The following CSMD1 variants were observed in gnomAD, a reference collection of about 807,000 sequenced individuals.
CSMD1 encodes CUB and Sushi multiple domains 1.
A neutral mutation model predicts 417.5 loss-of-function variants in CSMD1; 213 were observed. The observed-to-expected ratio is 0.51, with a 90% CI of 0.46 to 0.57. CSMD1 has a LOEUF of 0.57. Among genes scored for constraint, CSMD1 ranks in the 20% least tolerant of loss-of-function variants. The probability of loss-of-function intolerance (pLI) is 0.00; values close to 1 mark genes in which losing one functional copy is unlikely to be tolerated. For synonymous variants in CSMD1, 2,862 were observed against 1,736.8 expected (o/e 1.65, Z -16.11); for missense variants, 6,923 against 4,529.7 (o/e 1.53, Z -15.17).
chr8:3,995,017 C>A (rs1026742695), intron 5 of CSMD1, among the ~76,000 whole-genome samples: 2 of 152,152 alleles, frequency 1.3e-5, no homozygotes, highest in African/African-American at 2.4e-5. Flanking sequence ...GCAGCACCCA[C>A]AATGCTCCCC....
chr8:4,735,068 G>A (rs1331239321), intron 1 of CSMD1, among the ~76,000 whole-genome samples: 3 of 152,224 alleles, frequency 2.0e-5, no homozygotes, highest in Non-Finnish European at 2.9e-5. Flanking sequence ...GAAGCAAATT[G>A]CTGCTCGTTA....
At chr8:4,835,425 C>T (rs1163194275) in intron 1 of CSMD1, among the ~76,000 whole-genome samples, 1 of 152,036 alleles carries the variant, frequency 6.6e-6, no homozygotes, top group Non-Finnish European at 1.5e-5. Flanking sequence ...CATTAAGAGA[C>T]AAGAGGTAGA....
chr8:3,205,160 T>C (rs1442086961), intron 31 of CSMD1, among the ~76,000 whole-genome samples: 1 of 152,094 alleles, frequency 6.6e-6, no homozygotes, highest in East Asian at 1.9e-4. Context: ...ATACACAGAG[T>C]TCTGACCCAC....
intron 4 of CSMD1, among the ~76,000 whole-genome samples, chr8:4,004,342 A>T (rs1057162114): frequency 6.6e-6 from 1 of 151,880 alleles, no homozygotes; most frequent in Admixed American, 6.6e-5. Context: ...TTTCTGAGAG[A>T]GTATATCCAC....
chr8:3,953,563 G>C (rs915291371), intron 5 of CSMD1, among the ~76,000 whole-genome samples: 62 of 152,054 alleles, frequency 4.1e-4, no homozygotes, highest in African/African-American at 1.4e-3. Flanking sequence ...GGACTTCCCT[G>C]GGATAGATAA....
chr8:4,580,728 T>A (rs533071966), intron 2 of CSMD1, among the ~76,000 whole-genome samples: 1 of 152,310 alleles, frequency 6.6e-6, no homozygotes, highest in South Asian at 2.1e-4. Context: ...CCTGATTAAA[T>A]CACCCCAAAT....
intron 3 of CSMD1, among the ~76,000 whole-genome samples, chr8:4,362,451 G>C (rs982909906): frequency 1.3e-5 from 2 of 152,184 alleles, no homozygotes; most frequent in African/African-American, 4.8e-5. Context: ...TTTTGTTAAA[G>C]GTCCCTTGCT....
At chr8:2,950,995 T>C (rs542382448) in intron 66 of CSMD1, 119 bp downstream of exon 66, 2 of 968,120 alleles carry the variant, frequency 2.1e-6, no homozygotes, top group East Asian at 2.6e-5. Flanking sequence ...AGTTACAGTA[T>C]ATACAAAGCC....
intron 10 of CSMD1, among the ~76,000 whole-genome samples, chr8:3,537,608 G>A (rs1319609246): frequency 6.6e-6 from 1 of 152,108 alleles, no homozygotes; most frequent in African/African-American, 2.4e-5. Context: ...TGTAATGATG[G>A]AAATTGTGTT....
At chr8:3,503,278 T>A (rs975175686) in intron 10 of CSMD1, among the ~76,000 whole-genome samples, 1 of 152,216 alleles carries the variant, frequency 6.6e-6, no homozygotes, top group African/African-American at 2.4e-5. Context: ...GCCCCACATA[T>A]AAACACTAGG....
chr8:4,114,671 A>C (rs977175873), intron 3 of CSMD1, among the ~76,000 whole-genome samples: 1 of 152,196 alleles, frequency 6.6e-6, no homozygotes, highest in Non-Finnish European at 1.5e-5. Flanking sequence ...CATTAAGAAA[A>C]ATTGTGCTTC....
At chr8:4,624,465 T>G (rs1801980650) in intron 2 of CSMD1, among the ~76,000 whole-genome samples, 1 of 152,156 alleles carries the variant, frequency 6.6e-6, no homozygotes, top group Non-Finnish European at 1.5e-5. Context: ...AGGCTGCAGT[T>G]GTCAATCACC....
At chr8:4,302,737 C>G (rs957955407) in intron 3 of CSMD1, among the ~76,000 whole-genome samples, 1 of 152,092 alleles carries the variant, frequency 6.6e-6, no homozygotes, top group African/African-American at 2.4e-5. Flanking sequence ...CTCATTAAGT[C>G]ATTTAGTTTT....
chr8:3,917,667 T>G (rs1584961232), intron 5 of CSMD1, among the ~76,000 whole-genome samples: 1 of 152,238 alleles, frequency 6.6e-6, no homozygotes, highest in Admixed American at 6.5e-5. Context: ...ATGCAAAAAG[T>G]TGTACACATG....
chr8:3,254,202 C>A (rs999327931), intron 26 of CSMD1, among the ~76,000 whole-genome samples: 3 of 152,102 alleles, frequency 2.0e-5, no homozygotes, highest in Admixed American at 6.6e-5. Context: ...GAATATTGGC[C>A]CCCACTCTCT....
At chr8:4,095,088 T>G (rs1800933718) in intron 3 of CSMD1, among the ~76,000 whole-genome samples, 1 of 152,164 alleles carries the variant, frequency 6.6e-6, no homozygotes, top group Non-Finnish European at 1.5e-5. Flanking sequence ...TTAATGTAAC[T>G]GCAGAGGAAA....
chr8:4,110,507 C>G (rs1206560354), intron 3 of CSMD1, among the ~76,000 whole-genome samples: 1 of 152,020 alleles, frequency 6.6e-6, no homozygotes, highest in Non-Finnish European at 1.5e-5. Flanking sequence ...ATTATTTTCC[C>G]CTAGCGTGTG....
chr8:3,296,752 G>T (rs769709255), intron 25 of CSMD1, among the ~76,000 whole-genome samples: 1 of 152,138 alleles, frequency 6.6e-6, no homozygotes, highest in African/African-American at 2.4e-5. Context: ...CTGTAGGTTT[G>T]TCCCTCAGAA....
intron 10 of CSMD1, among the ~76,000 whole-genome samples, chr8:3,517,251 T>C (rs1412816270): frequency 6.6e-6 from 1 of 152,086 alleles, no homozygotes; most frequent in Non-Finnish European, 1.5e-5. Flanking sequence ...GAGGGAAAAC[T>C]TGAAAAGACA....
Sources: gnomAD v4.1 joint callset for allele counts (sites outside exome capture counted in the v4.1 genomes callset) on GRCh38, gnomAD v4.1.1 for gene constraint, MANE v1.5 for transcripts, NCBI Gene and HGNC (gene_info 2026-07-23, HGNC 2026-07-21) for gene names.